PPFIA2: variants seen among roughly 807,000 people sequenced by gnomAD.
PPFIA2 encodes liprin-alpha-2.
In PPFIA2, 46 loss-of-function variants were observed where a neutral mutation model predicts 175.5. That is an observed-to-expected ratio of 0.26 (90% CI 0.21 to 0.34). PPFIA2 has a LOEUF of 0.34. PPFIA2 is among the 10% of genes least tolerant of loss of function. The pLI is 1.00. For missense variants in PPFIA2, 1,179 were observed against 1,506.1 expected, an observed-to-expected ratio of 0.78 and a Z score of 3.60; for synonymous variants, 568 against 511.4, an observed-to-expected ratio of 1.11 and a Z score of -1.49.
At chr12:81,471,271 A>T (rs1357152955) in intron 4 of PPFIA2, 1 of 151,880 alleles carries the variant, frequency 6.6e-6, no homozygotes. Context: ...TCAGCCTCCA[A>T]GGTGGCTGGG....
intron 4 of PPFIA2, among the ~76,000 whole-genome samples, chr12:81,597,340 T>G (rs1273811703): frequency 6.6e-6 from 1 of 152,044 alleles, no homozygotes; most frequent in Non-Finnish European, 1.5e-5. Context: ...AACTCATATT[T>G]ATATTATAAA....
chr12:81,341,355 A>G (rs1232260219), intron 19 of PPFIA2, 147 bp from the exon 20 acceptor site: 17 of 621,974 alleles, frequency 2.7e-5, no homozygotes, highest in African/African-American at 3.8e-5. Flanking sequence ...TCTTACATAC[A>G]TAAATTCCCA....
chr12:81,357,948 A>G, intron 16 of PPFIA2, 134 bp downstream of exon 16: 1 of 940,962 alleles, frequency 1.1e-6, no homozygotes, highest in Non-Finnish European at 1.5e-6. Context: ...TAGTTTTTTT[A>G]AAAATGTCAT....
chr12:81,677,363 C>G (rs1397634087), intron 3 of PPFIA2, among the ~76,000 whole-genome samples: 1 of 151,924 alleles, frequency 6.6e-6, no homozygotes, highest in Non-Finnish European at 1.5e-5. Flanking sequence ...CAAATATGCT[C>G]TTCTGGCTAT....
At chr12:81,493,752 GTCTATATATATATA>G (rs1293524245) in intron 4 of PPFIA2, among the ~76,000 whole-genome samples, 1 of 65,240 alleles carries the variant, frequency 1.5e-5, no homozygotes, top group East Asian at 3.9e-4. Flanking sequence ...GTGTGTGTGT[GTCTATATATATATA>G]TATATATATA....
At chr12:81,341,487 C>A (rs150479152) in intron 19 of PPFIA2, among the ~76,000 whole-genome samples, 2 of 152,236 alleles carry the variant, frequency 1.3e-5, no homozygotes, top group East Asian at 1.9e-4. Flanking sequence ...TTCCAACCCA[C>A]AGCCTGCTGG....
chr12:81,702,263 A>G (rs1320835716), intron 3 of PPFIA2, among the ~76,000 whole-genome samples: 1 of 152,168 alleles, frequency 6.6e-6, no homozygotes. Context: ...AATGTGTTGT[A>G]GCACTTCCCA....
intron 4 of PPFIA2, among the ~76,000 whole-genome samples, chr12:81,466,603 A>C (rs917971317): frequency 6.6e-6 from 1 of 152,084 alleles, no homozygotes; most frequent in African/African-American, 2.4e-5. Flanking sequence ...ATGTATATAG[A>C]GAGCTGCCCC....
intron 4 of PPFIA2, among the ~76,000 whole-genome samples, chr12:81,611,777 C>A (rs1291059725): frequency 6.6e-6 from 1 of 152,132 alleles, no homozygotes; most frequent in Non-Finnish European, 1.5e-5. Flanking sequence ...GCTGCCAGCA[C>A]ACAAAAACTC....
intron 3 of PPFIA2, among the ~76,000 whole-genome samples, chr12:81,680,941 C>A (rs984647802): frequency 1.3e-5 from 2 of 151,882 alleles, no homozygotes; most frequent in African/African-American, 4.8e-5. Flanking sequence ...ATAGTGAGCA[C>A]CTTATTAAAT....
chr12:81,366,825 A>G (rs1359290884), intron 14 of PPFIA2, among the ~76,000 whole-genome samples: 1 of 151,794 alleles, frequency 6.6e-6, no homozygotes, highest in Admixed American at 6.6e-5. Flanking sequence ...TTTTAATGTT[A>G]TAAGTCAAGA....
intron 7 of PPFIA2, among the ~76,000 whole-genome samples, chr12:81,418,771 G>A (rs1209192167): frequency 1.3e-5 from 2 of 151,938 alleles, no homozygotes; most frequent in South Asian, 2.1e-4. Context: ...CTGAGTTTTA[G>A]GTTTATACGT....
chr12:81,577,582 A>G (rs941138110), intron 4 of PPFIA2, among the ~76,000 whole-genome samples: 8 of 151,916 alleles, frequency 5.3e-5, no homozygotes, highest in African/African-American at 1.9e-4. Flanking sequence ...TCAGCAAGAA[A>G]GTTTCATTAA....
At chr12:81,433,049 A>G (rs929676515) in intron 7 of PPFIA2, among the ~76,000 whole-genome samples, 1 of 151,878 alleles carries the variant, frequency 6.6e-6, no homozygotes, top group African/African-American at 2.4e-5. Flanking sequence ...AAAAAAACCC[A>G]TAATATTACC....
chr12:81,566,530 C>CAAAAAAAAAAAAAAAAAAAAA (rs3075452), intron 4 of PPFIA2, among the ~76,000 whole-genome samples: 4 of 68,450 alleles, frequency 5.8e-5, no homozygotes, highest in African/African-American at 1.7e-4. Flanking sequence ...GACTCCAACT[C>CAAAAAAAAAAAAAAAAAAAAA]AAAAAAAAAA....
At chr12:81,407,172 A>G (rs562303866) in intron 7 of PPFIA2, among the ~76,000 whole-genome samples, 2 of 152,234 alleles carry the variant, frequency 1.3e-5, no homozygotes, top group South Asian at 4.1e-4. Flanking sequence ...AGATTGTGTA[A>G]CCCTTCAGCT....
intron 16 of PPFIA2, among the ~76,000 whole-genome samples, chr12:81,353,594 C>T (rs2060388933): frequency 6.6e-6 from 1 of 152,002 alleles, no homozygotes. Context: ...TTTTATAGTT[C>T]AATCATATTC....
chr12:81,580,448 A>G (rs1319094096), intron 4 of PPFIA2, among the ~76,000 whole-genome samples: 2 of 151,880 alleles, frequency 1.3e-5, no homozygotes, highest in Non-Finnish European at 2.9e-5. Context: ...TGATTTGAAT[A>G]GCACGGTATG....
At chr12:81,504,201 G>T (rs140822750) in intron 4 of PPFIA2, among the ~76,000 whole-genome samples, 2 of 152,110 alleles carry the variant, frequency 1.3e-5, no homozygotes, top group East Asian at 3.9e-4. Context: ...ACTATGGAAA[G>T]AACAGGCAAT....
Sources: gnomAD v4.1 joint callset for allele counts (sites outside exome capture counted in the v4.1 genomes callset) on GRCh38, gnomAD v4.1.1 for gene constraint, MANE v1.5 for transcripts, NCBI Gene and HGNC (gene_info 2026-07-23, HGNC 2026-07-21) for gene names.